Variants in SP4 observed in about 807,000 individuals in gnomAD.
SP4 encodes the protein Sp4 transcription factor.
Under a neutral mutation model 72.8 loss-of-function variants are expected in SP4, and 19 were observed. The ratio of observed to expected loss-of-function variants is 0.26; its 90% confidence interval spans 0.18 to 0.38. The LOEUF (loss-of-function observed/expected upper bound fraction) is 0.38, where lower values mean the gene tolerates loss of function less well. Among genes scored for constraint, SP4 ranks in the 10% least tolerant of loss-of-function variants. The pLI, the probability that SP4 is intolerant of heterozygous loss-of-function variation, is 1.00. For synonymous variants in SP4, 395 were observed against 333.1 expected (o/e 1.19, Z -2.02); for missense variants, 1,008 against 926.3 (o/e 1.09, Z -1.14).
chr7:21,457,645 G>A (rs574291299), intron 3 of SP4, among the ~76,000 whole-genome samples: 4 of 152,142 alleles, frequency 2.6e-5, no homozygotes, highest in African/African-American at 9.7e-5. Context: ...CTGCTAAGAT[G>A]ATGAAGCACA....
chr7:21,501,984 A>G, intron 5 of SP4, among the ~76,000 whole-genome samples: 1 of 150,782 alleles, frequency 6.6e-6, no homozygotes, highest in East Asian at 2.0e-4. Flanking sequence ...GACCACCAGA[A>G]GAGTGCTGAC....
At chr7:21,463,076 CTTTTT>C (rs578120285) in intron 3 of SP4, among the ~76,000 whole-genome samples, 1 of 137,892 alleles carries the variant, frequency 7.3e-6, no homozygotes. Context: ...AATAACTTTT[CTTTTT>C]TTTTTTTTTT....
intron 3 of SP4, among the ~76,000 whole-genome samples, chr7:21,465,186 T>C (rs1784129612): frequency 6.6e-6 from 1 of 152,178 alleles, no homozygotes; most frequent in African/African-American, 2.4e-5. Flanking sequence ...ATCTTTGTTT[T>C]CCTAAGCTTT....
In SP4 at chr7:21,430,724, T is replaced by C. The variant is rs1257117351; in HGVS notation, c.1559T>C (p.Ile520Thr). The C allele has an allele frequency of 2.5e-6, 4 of 1,614,202 alleles. No individual in the cohort carries two copies. The highest frequency in any genetic ancestry group is 3.4e-6 in the Non-Finnish European group (4 of 1,180,034). Reference sequence around the variant, plus strand: ...CCTGTGGCTGTTGCTGGTGCCCCAATAACTTTGAATACTGCCCAGCTTGCA... The same window carrying C: ...CCTGTGGCTGTTGCTGGTGCCCCAACAACTTTGAATACTGCCCAGCTTGCA... The part of the protein sequence containing the change: ...IAPVAVAGAP[I>T]TLNTAQLASV... The change falls in exon 3 of 6, where the codon ATA (isoleucine) becomes ACA (threonine). Residue 520 changes from isoleucine (I) to threonine (T), a missense_variant. This residue lies in a region of SP4 where 893 missense variants were observed against 743.3 expected (regional missense o/e 1.20). Transcript: ENST00000222584.
chr7:21,469,992 T>C (rs1214490983), intron 3 of SP4, among the ~76,000 whole-genome samples: 5 of 152,168 alleles, frequency 3.3e-5, no homozygotes, highest in Non-Finnish European at 4.4e-5. Flanking sequence ...TTGAGAGTTA[T>C]GCTCTGGGAT....
chr7:21,493,028 C>T (rs1785020050), intron 5 of SP4, among the ~76,000 whole-genome samples: 1 of 152,010 alleles, frequency 6.6e-6, no homozygotes, highest in African/African-American at 2.4e-5. Flanking sequence ...GGTGAAACCC[C>T]ACCTCTACTA....
At chr7:21,449,373 A>G (rs955988583) in intron 3 of SP4, among the ~76,000 whole-genome samples, 4 of 151,976 alleles carry the variant, frequency 2.6e-5, no homozygotes, top group African/African-American at 9.7e-5. Flanking sequence ...GTGGCAATCA[A>G]TTTTCTATTA....
At chr7:21,474,985 T>G (rs1784455305) in intron 3 of SP4, among the ~76,000 whole-genome samples, 1 of 152,176 alleles carries the variant, frequency 6.6e-6, no homozygotes, top group Non-Finnish European at 1.5e-5. Flanking sequence ...GAGGTTTAAT[T>G]TTGTTTAGAA....
chr7:21,445,113 GAAA>G (rs570093635), intron 3 of SP4, among the ~76,000 whole-genome samples: 1 of 152,016 alleles, frequency 6.6e-6, no homozygotes, highest in Non-Finnish European at 1.5e-5. Context: ...TTGAATAAAT[GAAA>G]AAACACAGAT....
At chr7:21,448,535 C>T (rs1243033420) in intron 3 of SP4, among the ~76,000 whole-genome samples, 1 of 152,006 alleles carries the variant, frequency 6.6e-6, no homozygotes, top group Non-Finnish European at 1.5e-5. Context: ...GGTTCAATTC[C>T]CTGTTCTTTT....
chr7:21,428,199 C>CCCCCCAAA lies in SP4; in HGVS notation c.-53_-52insCCCCCAAA. The stretch of plus-strand genomic sequence containing the variant: ...TCTCCTCCCGCCTCGCCCCCACCCC[C>CCCCCCAAA]ACCCACCTCTATCCCAGTGTCTCCG... On this transcript the variant is annotated 5_prime_UTR_variant, in exon 1 of 6. Coordinates refer to ENST00000222584, the MANE Select transcript of SP4 (RefSeq NM_003112.5). The CCCCCCAAA allele has an allele frequency of 8.9e-7, 1 of 1,119,140 alleles. No individual in the cohort carries two copies. The allele number at this position is 1,119,140 out of a possible 1,614,324, so 69.3% of individuals were successfully genotyped here. A position where few individuals can be genotyped will look rare whatever the true frequency, so the allele number is the denominator to read the frequency against.
intron 3 of SP4, among the ~76,000 whole-genome samples, chr7:21,439,005 A>T (rs1583380482): frequency 1.3e-5 from 2 of 152,188 alleles, no homozygotes; most frequent in East Asian, 3.8e-4. Context: ...TATAAATTAA[A>T]CTTTATCACA....
chr7:21,480,555 C>T (rs1010538911), intron 4 of SP4, among the ~76,000 whole-genome samples: 6 of 152,120 alleles, frequency 3.9e-5, no homozygotes, highest in Non-Finnish European at 8.8e-5. Context: ...CTTTTTGTTT[C>T]TATAAGGTTG....
rs998245679 is a variant in SP4, at chr7:21,513,389, G to A, written c.*2120G>A. On this transcript the variant is annotated 3_prime_UTR_variant, in exon 6 of 6. Transcript: ENST00000222584. ...AGTCTTTAAATTTAAGTTGGATTTT[G>A]TAAATTGTTTTGTATATTTTATTTA... 1 of 152,536 alleles carries A rather than the reference G, an allele frequency of 6.6e-6. No homozygotes were observed. Among genetic ancestry groups the A allele is most frequent in the Non-Finnish European group, 1.5e-5 (1 of 68,004 alleles). 9.4% of individuals were successfully genotyped at this position (152,536 alleles called of 1,614,324 possible). A position where few individuals can be genotyped will look rare whatever the true frequency, so the allele number is the denominator to read the frequency against.
chr7:21,481,151 C>G (rs532397022), intron 4 of SP4, among the ~76,000 whole-genome samples: 1 of 152,304 alleles, frequency 6.6e-6, no homozygotes, highest in South Asian at 2.1e-4. Flanking sequence ...AAGGTAGAGT[C>G]TATGTCCCAG....
At chr7:21,485,525 ATATACT>A (rs1562619242) in intron 5 of SP4, among the ~76,000 whole-genome samples, 1 of 151,956 alleles carries the variant, frequency 6.6e-6, no homozygotes. Context: ...TATCTAAATC[ATATACT>A]TAAACACTGT....
intron 3 of SP4, among the ~76,000 whole-genome samples, chr7:21,474,850 T>G (rs1366927450): frequency 6.6e-6 from 1 of 152,204 alleles, no homozygotes; most frequent in Non-Finnish European, 1.5e-5. Context: ...AGGGTTTGTA[T>G]CCTTACTAAA....
intron 5 of SP4, among the ~76,000 whole-genome samples, chr7:21,505,132 C>T (rs1283853535): frequency 6.6e-6 from 1 of 152,192 alleles, no homozygotes; most frequent in Non-Finnish European, 1.5e-5. Context: ...GTCTTTTGAT[C>T]ATATGAGTCA....
intron 3 of SP4, among the ~76,000 whole-genome samples, chr7:21,432,273 C>T (rs761122392): frequency 6.6e-5 from 10 of 152,212 alleles, no homozygotes; most frequent in Non-Finnish European, 1.0e-4. Flanking sequence ...AAATGTTTCT[C>T]TGGATTACAA....
Sources: gnomAD v4.1 joint callset for allele counts (sites outside exome capture counted in the v4.1 genomes callset) on GRCh38, gnomAD v4.1.1 for gene constraint, gnomAD v4.1.1 regional missense constraint, MANE v1.5 for transcripts, NCBI Gene and HGNC (gene_info 2026-07-23, HGNC 2026-07-21) for gene names.